Variants in DLGAP2 observed in about 807,000 individuals in gnomAD.
DLGAP2 encodes disks large-associated protein 2.
Under a neutral mutation model 100.3 loss-of-function variants are expected in DLGAP2, and 26 were observed. That is an observed-to-expected ratio of 0.26 (90% confidence interval 0.19 to 0.36). The LOEUF is 0.36. Ranked by LOEUF, DLGAP2 falls within the 10% of genes least tolerant of loss-of-function variation. The pLI is 1.00. For missense variants in DLGAP2, 1,858 were observed against 1,453.2 expected (o/e 1.28, Z -4.53); for synonymous variants, 886 against 630.1 (o/e 1.41, Z -6.08).
At chr8:750,849 A>G (rs1415300326) in intron 1 of DLGAP2, among the ~76,000 whole-genome samples, 1 of 152,210 alleles carries the variant, frequency 6.6e-6, no homozygotes, top group Non-Finnish European at 1.5e-5. Flanking sequence ...AAAGAATTCA[A>G]ATTGGCTAAA....
intron 4 of DLGAP2, among the ~76,000 whole-genome samples, chr8:1,522,292 A>G (rs937005654): frequency 3.9e-5 from 6 of 152,152 alleles, no homozygotes; most frequent in Non-Finnish European, 7.4e-5. Flanking sequence ...TGTTTCTTCA[A>G]GCTGTGTCTT....
At chr8:765,852 A>G in intron 1 of DLGAP2, among the ~76,000 whole-genome samples, 1 of 152,102 alleles carries the variant, frequency 6.6e-6, no homozygotes, top group East Asian at 1.9e-4. Flanking sequence ...CACACATGCA[A>G]CCACACACAG....
chr8:1,480,987 A>G (rs559933045), intron 3 of DLGAP2, among the ~76,000 whole-genome samples: 1 of 151,918 alleles, frequency 6.6e-6, no homozygotes, highest in Non-Finnish European at 1.5e-5. Context: ...CCTGGCTAAC[A>G]TGGTGAAACC....
chr8:863,694 C>G (rs548276899), intron 1 of DLGAP2, among the ~76,000 whole-genome samples: 5 of 152,138 alleles, frequency 3.3e-5, no homozygotes, highest in South Asian at 4.1e-4. Flanking sequence ...GGCCCCTGTT[C>G]GACTGGCTTT....
chr8:1,359,293 C>T lies in DLGAP2; in HGVS notation c.106+100410C>T, dbSNP rs147614054. Reference sequence around the variant, plus strand: ...CTGCTGGGAAGACCCTGTCCTCAGGCGGTCCATGCGCCCTGGTTAGACGCC... The same window carrying T: ...CTGCTGGGAAGACCCTGTCCTCAGGTGGTCCATGCGCCCTGGTTAGACGCC... On this transcript the variant is annotated intron_variant, in intron 3 of 14. Coordinates refer to ENST00000637795, the MANE Select transcript of DLGAP2 (RefSeq NM_001346810.2). Among the ~76,000 whole-genome samples the T allele has an allele frequency of 1.0e-3, 155 of 152,348 alleles. 2 individuals carry two copies. Among genetic ancestry groups the T allele is most frequent in the African/African-American group, 3.4e-3 (141 of 41,586 alleles).
At chr8:1,624,569 C>T (rs1329978281) in intron 6 of DLGAP2, among the ~76,000 whole-genome samples, 2 of 151,844 alleles carry the variant, frequency 1.3e-5, no homozygotes, top group Middle Eastern at 3.4e-3. Flanking sequence ...GACATTTTGC[C>T]GCTCTGTTGA....
rs182885959 is a variant in DLGAP2, at chr8:1,468,321, G to A, written c.107-33045G>A. Among the ~76,000 whole-genome samples, 18 of 150,134 alleles carry A rather than the reference G, an allele frequency of 1.2e-4. No homozygotes were observed. The East Asian group carries it at 2.9e-3, about 24-fold the overall frequency. On this transcript the variant is annotated intron_variant, in intron 3 of 14. Coordinates refer to ENST00000637795, the MANE Select transcript of DLGAP2 (RefSeq NM_001346810.2). ...AGCCTCGGTCCATTCTGAGAACCTC[G>A]CCTGTTCACACGGCGTGGATCTGGG...
At chr8:1,468,001 C>G (rs1798672782) in intron 3 of DLGAP2, among the ~76,000 whole-genome samples, 1 of 152,254 alleles carries the variant, frequency 6.6e-6, no homozygotes, top group Non-Finnish European at 1.5e-5. Flanking sequence ...CTTTCAGCCT[C>G]CTGTTCTAAG....
chr8:1,531,232 G>A (rs1800979547), intron 4 of DLGAP2, among the ~76,000 whole-genome samples: 2 of 129,434 alleles, frequency 1.5e-5, no homozygotes, highest in African/African-American at 7.1e-5. Flanking sequence ...TATTATTAGA[G>A]AGCGTGTGCG....
chr8:1,683,954 G>GTATATATATATGTGTGTA (rs1799040256), intron 12 of DLGAP2, among the ~76,000 whole-genome samples: 2 of 74,754 alleles, frequency 2.7e-5, no homozygotes, highest in African/African-American at 6.1e-5. Context: ...ATATATGTGT[G>GTATATATATATGTGTGTA]TATATATATA....
chr8:1,629,187 T>G (rs923281314), intron 7 of DLGAP2, among the ~76,000 whole-genome samples: 2 of 152,218 alleles, frequency 1.3e-5, no homozygotes, highest in Non-Finnish European at 2.9e-5. Flanking sequence ...ATCGGAAGGT[T>G]GTACCCAGGA....
intron 2 of DLGAP2, among the ~76,000 whole-genome samples, chr8:997,211 A>G (rs1800806757): frequency 6.6e-6 from 1 of 152,214 alleles, no homozygotes; most frequent in South Asian, 2.1e-4. Context: ...TGCTTTGGGA[A>G]CTTAAATTTT....
intron 1 of DLGAP2, among the ~76,000 whole-genome samples, chr8:837,790 C>A (rs939078059): frequency 1.9e-4 from 29 of 150,658 alleles, no homozygotes; most frequent in Admixed American, 1.3e-3. Flanking sequence ...GATCTCAGCT[C>A]ACTGCAACTT....
intron 1 of DLGAP2, among the ~76,000 whole-genome samples, chr8:751,740 G>T (rs80329376): frequency 6.7e-6 from 1 of 149,598 alleles, no homozygotes; most frequent in Non-Finnish European, 1.5e-5. Context: ...GTCCTTATAG[G>T]AAGTTCATCT....
intron 2 of DLGAP2, among the ~76,000 whole-genome samples, chr8:1,177,650 C>G (rs534950703): frequency 6.6e-6 from 1 of 152,300 alleles, no homozygotes; most frequent in Admixed American, 6.5e-5. Flanking sequence ...ACAAATACCC[C>G]ACACTAGGTC....
chr8:780,032 A>G (rs1445631061), intron 1 of DLGAP2, among the ~76,000 whole-genome samples: 1 of 152,144 alleles, frequency 6.6e-6, no homozygotes, highest in Non-Finnish European at 1.5e-5. Flanking sequence ...ATTCTATTCT[A>G]GAGATTTTGA....
At chr8:1,644,265 G>T (rs145562991) in intron 8 of DLGAP2, among the ~76,000 whole-genome samples, 1 of 152,102 alleles carries the variant, frequency 6.6e-6, no homozygotes, top group Non-Finnish European at 1.5e-5. Context: ...CTGACCCTAA[G>T]CCCGCCCGAC....
At chr8:1,555,535 G>A (rs1196773296) in intron 5 of DLGAP2, among the ~76,000 whole-genome samples, 2 of 152,214 alleles carry the variant, frequency 1.3e-5, no homozygotes, top group Non-Finnish European at 2.9e-5. Context: ...CACAGGGCTT[G>A]GCAGGATCTC....
chr8:1,075,372 G>A (rs967654265), intron 2 of DLGAP2, among the ~76,000 whole-genome samples: 1 of 152,210 alleles, frequency 6.6e-6, no homozygotes, highest in East Asian at 1.9e-4. Flanking sequence ...GGAGAACCGC[G>A]GCTGGGTGTT....
Sources: allele counts gnomAD v4.1 joint callset (sites outside exome capture counted in the v4.1 genomes callset), GRCh38; gene constraint gnomAD v4.1.1; transcripts MANE v1.5; gene names NCBI Gene and HGNC (gene_info 2026-07-23, HGNC 2026-07-21).